The following HECTD4 variants were observed in gnomAD, a reference collection of about 807,000 sequenced individuals.
HECTD4 encodes the protein probable E3 ubiquitin-protein ligase HECTD4.
In HECTD4, 114 loss-of-function variants were observed where a neutral mutation model predicts 471.5. The observed-to-expected ratio is 0.24, with a 90% CI of 0.21 to 0.28. The LOEUF (loss-of-function observed/expected upper bound fraction) is 0.28, where lower values mean the gene tolerates loss of function less well. HECTD4 is among the 10% of genes least tolerant of loss of function. HECTD4 has a pLI of 1.00. For missense variants in HECTD4, 3,866 were observed against 5,651.5 expected (o/e 0.68, Z 10.13); for synonymous variants, 2,012 against 2,256.0 (o/e 0.89, Z 3.07).
chr12:112,226,497 T>C (rs1307648354), intron 44 of HECTD4, 146 bp downstream of exon 44: 2 of 479,744 alleles, frequency 4.2e-6, no homozygotes, highest in South Asian at 4.8e-5. Context: ...AGGTCTGTGA[T>C]GCACGTGAGT....
chr12:112,345,723 G>A (rs1444132636), intron 1 of HECTD4, among the ~76,000 whole-genome samples: 1 of 151,996 alleles, frequency 6.6e-6, no homozygotes, highest in African/African-American at 2.4e-5. Flanking sequence ...GTGAAACCCC[G>A]TCTCTACTAA....
At position 112,361,679 on chromosome 12, in the gene HECTD4, A is replaced by G. The variant is rs2036452747; in HGVS notation, c.177+20273T>C. ...GAGATGTGTCAATGCCAAAGCCTAC[A>G]GTCTTAACCACTAGGCTCACTCTGT... On this transcript the variant is annotated intron_variant, in intron 1 of 75. Coordinates refer to ENST00000682272, the MANE Select transcript of HECTD4 (RefSeq NM_001388303.1). 1.3e-5 allele frequency among the ~76,000 whole-genome samples: 2 copies of G among 152,310 alleles called. 1 individual carries two copies. Among genetic ancestry groups the G allele is most frequent in the South Asian group, 4.1e-4 (2 of 4,824 alleles).
In HECTD4 at chr12:112,228,377, A is replaced by G. The variant is rs2033294301; in HGVS notation, c.6685-119T>C. The G allele has an allele frequency of 8.8e-7, 1 of 1,138,048 alleles. No individual in the cohort carries two copies. The highest frequency in any genetic ancestry group is 1.6e-5 in the African/African-American group (1 of 61,906). The allele number at this position is 1,138,048 out of a possible 1,614,324, so 70.5% of individuals were successfully genotyped here. On this transcript the variant is annotated intron_variant, in intron 42 of 75. Transcript: ENST00000682272. This position sits in a 1 kb window ranked among gnomAD's most constrained non-coding sequence, Gnocchi z 4.9. ...AATTTTCAGTTAAAAAAATAAAATC[A>G]CCATACAGAAAACTACAAACCACAT...
At chr12:112,345,003 C>T (rs1415539354) in intron 1 of HECTD4, among the ~76,000 whole-genome samples, 1 of 151,918 alleles carries the variant, frequency 6.6e-6, no homozygotes, top group Non-Finnish European at 1.5e-5. Flanking sequence ...ATGCCTGTCC[C>T]AGCACTTTGG....
intron 60 of HECTD4, among the ~76,000 whole-genome samples, chr12:112,190,005 T>G (rs973630474): frequency 6.6e-6 from 1 of 152,182 alleles, no homozygotes; most frequent in African/African-American, 2.4e-5. Flanking sequence ...CAACCCGCCT[T>G]GGCCTCCCAA....
chr12:112,231,851 A>G (rs1372625662), intron 38 of HECTD4, 136 bp from the exon 39 acceptor site: 5 of 745,506 alleles, frequency 6.7e-6, no homozygotes, highest in Non-Finnish European at 1.1e-5. Context: ...TATTATATGT[A>G]GAGTAAAATT....
intron 1 of HECTD4, among the ~76,000 whole-genome samples, chr12:112,363,019 C>A (rs980124248): frequency 2.8e-4 from 42 of 152,064 alleles, no homozygotes; most frequent in African/African-American, 9.4e-4. Context: ...TGCTTTTCTA[C>A]ATCTTCTAAA....
Position 112,217,326 on chromosome 12 carries a change from C to G in HECTD4, c.7075-131G>C, listed in dbSNP as rs1442428486. The G allele has an allele frequency of 7.4e-6, 4 of 541,170 alleles. No homozygotes were observed. The African/African-American group carries it at 8.3e-5, about 11-fold the overall frequency. 33.5% of individuals were successfully genotyped at this position (541,170 alleles called of 1,614,324 possible). ...ACACACACACACACACATACACACA[C>G]ACACACACATACACACACACACACA... is the stretch of plus-strand genomic sequence containing the variant. On this transcript the variant is annotated intron_variant, in intron 45 of 75. Transcript: ENST00000682272.
Position 112,314,491 on chromosome 12 carries a change from G to A in HECTD4, c.751C>T (p.Leu251=), listed in dbSNP as rs920456771. ...ACATCAGCTACAGGCAGGGACCCTA[G>A]ATCCGTCTGTTTCTGTAATAGATGG... is the stretch of plus-strand genomic sequence containing the variant. ...TVHLLQKQTD[L]GSLPVADVLY... Residue 251 remains leucine (L), a synonymous_variant, in exon 3 of 76, where the codon CTA becomes TTA. Transcript: ENST00000682272. The A allele has an allele frequency of 1.2e-5, 19 of 1,532,136 alleles. No individual in the cohort carries two copies. In the Admixed American group the frequency reaches 2.4e-4, roughly 19 times the overall value. 94.9% of individuals were successfully genotyped at this position (1,532,136 alleles called of 1,614,324 possible).
intron 7 of HECTD4, among the ~76,000 whole-genome samples, chr12:112,293,812 T>C (rs555992038): frequency 1.3e-5 from 2 of 152,352 alleles, no homozygotes; most frequent in South Asian, 2.1e-4. Context: ...TGTATAACTA[T>C]GTGAATATCA....
In HECTD4 at chr12:112,203,403, C is replaced by T. The variant is rs370455989; in HGVS notation, c.8406+233G>A. The stretch of plus-strand genomic sequence containing the variant: ...TGGTAGAGGTGGTGTGGTCTGAAGG[C>T]GGCCACAGCTTTGAGACTGGAGAGC... On this transcript the variant is annotated intron_variant, in intron 54 of 75. Transcript: ENST00000682272. 144 of 410,924 alleles carry T rather than the reference C, an allele frequency of 3.5e-4. 3 individuals carry two copies. The highest frequency in any genetic ancestry group is 3.4e-3 in the Admixed American group (80 of 23,588). The allele number at this position is 410,924 out of a possible 1,614,324, so 25.5% of individuals were successfully genotyped here.
chr12:112,249,013 G>A (rs969226132), intron 25 of HECTD4, among the ~76,000 whole-genome samples: 8 of 152,182 alleles, frequency 5.3e-5, no homozygotes, highest in African/African-American at 1.9e-4. Flanking sequence ...GGAGTCTTAC[G>A]TTGGCAAATA....
intron 1 of HECTD4, among the ~76,000 whole-genome samples, chr12:112,375,332 C>G (rs2036756854): frequency 6.6e-6 from 1 of 152,146 alleles, no homozygotes; most frequent in African/African-American, 2.4e-5. Context: ...TTTGGGCAAT[C>G]ACAAATAAAG....
At chr12:112,256,730 T>C (rs1417778355) in intron 20 of HECTD4, 1 of 362,786 alleles carries the variant, frequency 2.8e-6, no homozygotes, top group African/African-American at 2.1e-5. Context: ...TACTTGCTTT[T>C]TTTTTTCTTT....
At chr12:112,265,836 G>T in intron 15 of HECTD4, 42 bp downstream of exon 15, 1 of 1,432,016 alleles carries the variant, frequency 7.0e-7, no homozygotes, top group South Asian at 1.2e-5. Flanking sequence ...ACTAACGACT[G>T]AGAACACAAA....
chr12:112,216,314 G>T lies in HECTD4; in HGVS notation c.7443C>A (p.Arg2481=). 1.3e-6 allele frequency: 2 copies of T among 1,554,978 alleles called. No homozygotes were observed. The highest frequency in any genetic ancestry group is 1.7e-6 in the Non-Finnish European group (2 of 1,148,554). The part of the protein sequence containing the change: ...GSSLLQWKSV[R]LDVTLSPGDV... ...CACCGGGGGAGAGAGTCACGTCTAAGCGAACGCTCTTCCACTGTAACAAAC... is the reference window on the plus strand; with the variant it reads ...CACCGGGGGAGAGAGTCACGTCTAATCGAACGCTCTTCCACTGTAACAAAC... The change falls in exon 48 of 76, where the codon CGC becomes CGA. Residue 2481 remains arginine, a synonymous_variant. Transcript: ENST00000682272.
Position 112,163,771 on chromosome 12 carries a change from A to G in HECTD4, c.12702-34T>C. 1 of 1,418,224 alleles carries G rather than the reference A, an allele frequency of 7.1e-7. No individual in the cohort carries two copies. Among genetic ancestry groups the G allele is most frequent in the South Asian group, 1.6e-5 (1 of 64,270 alleles). 87.9% of individuals were successfully genotyped at this position (1,418,224 alleles called of 1,614,324 possible). On this transcript the variant is annotated intron_variant, in intron 73 of 75. Coordinates refer to ENST00000682272, the MANE Select transcript of HECTD4 (RefSeq NM_001388303.1). This position sits in a 1 kb window ranked among gnomAD's most constrained non-coding sequence, Gnocchi z 8.2. ...GTGAGGAGCACAGGTGAGGGAGAAC[A>G]CCGCCGAAGAGGCTGGGTCTGGGGG... is the stretch of plus-strand genomic sequence containing the variant.
chr12:112,261,938 A>G (rs1228642177), intron 17 of HECTD4: 1 of 152,376 alleles, frequency 6.6e-6, no homozygotes, highest in East Asian at 1.9e-4. Context: ...TCCTAAACAA[A>G]TCACAGTTAA....
chr12:112,232,851 T>G (rs998506613), intron 38 of HECTD4, among the ~76,000 whole-genome samples, 153 bp downstream of exon 38: 2 of 152,252 alleles, frequency 1.3e-5, no homozygotes, highest in African/African-American at 4.8e-5. Context: ...CTCTTTAAAA[T>G]GGCCTCAGTT....
Sources: gnomAD v4.1 joint callset for allele counts (sites outside exome capture counted in the v4.1 genomes callset) on GRCh38, gnomAD v4.1.1 for gene constraint, Gnocchi (gnomAD v3.1) non-coding constraint, MANE v1.5 for transcripts, NCBI Gene and HGNC (gene_info 2026-07-23, HGNC 2026-07-21) for gene names.